ARHGAP42: variants seen among roughly 807,000 people sequenced by gnomAD.
ARHGAP42 encodes the protein rho GTPase-activating protein 42.
Under a neutral mutation model 125.0 loss-of-function variants are expected in ARHGAP42, and 63 were observed. That is an observed-to-expected ratio of 0.50 (90% confidence interval 0.41 to 0.62). ARHGAP42 has a LOEUF of 0.62. Among genes scored for constraint, ARHGAP42 ranks in the 20% least tolerant of loss-of-function variants. ARHGAP42 has a pLI of 0.00. For missense variants in ARHGAP42, 766 were observed against 1,024.2 expected, an observed-to-expected ratio of 0.75 and a Z score of 3.44; for synonymous variants, 339 against 351.0, an observed-to-expected ratio of 0.97 and a Z score of 0.38.
intron 4 of ARHGAP42, among the ~76,000 whole-genome samples, chr11:100,868,671 T>G (rs925191997): frequency 6.6e-6 from 1 of 152,190 alleles, no homozygotes; most frequent in African/African-American, 2.4e-5. Flanking sequence ...GATGAGCTCA[T>G]TTGGACAGTG....
chr11:100,750,659 G>A (rs1362500978), intron 1 of ARHGAP42, among the ~76,000 whole-genome samples: 1 of 152,004 alleles, frequency 6.6e-6, no homozygotes, highest in African/African-American at 2.4e-5. Context: ...TGGTTTGGCG[G>A]GAAAAATGGT....
At chr11:100,924,707 CTG>C (rs1294438763) in intron 6 of ARHGAP42, among the ~76,000 whole-genome samples, 2 of 151,944 alleles carry the variant, frequency 1.3e-5, no homozygotes, top group East Asian at 1.9e-4. Context: ...TAATCCTACA[CTG>C]TCATTATTCT....
intron 5 of ARHGAP42, among the ~76,000 whole-genome samples, chr11:100,921,177 A>T (rs1247705901): frequency 8.0e-6 from 1 of 124,986 alleles, no homozygotes; most frequent in African/African-American, 3.0e-5. Context: ...GTGATTTTTC[A>T]TTTACATTTA....
intron 1 of ARHGAP42, among the ~76,000 whole-genome samples, chr11:100,729,054 C>CCACT (rs139591012): frequency 0.037 from 5,668 of 151,490 alleles, 111 homozygotes; most frequent in African/African-American, 0.071. Flanking sequence ...CAGGTGTGAG[C>CCACT]CACTGCACGC....
chr11:100,763,039 G>A (rs567792396), intron 1 of ARHGAP42, among the ~76,000 whole-genome samples: 4 of 139,244 alleles, frequency 2.9e-5, no homozygotes, highest in African/African-American at 8.1e-5. Flanking sequence ...GAGTGCAATG[G>A]CATGATCTCG....
intron 16 of ARHGAP42, among the ~76,000 whole-genome samples, chr11:100,963,739 T>G (rs958817449): frequency 1.3e-5 from 2 of 152,212 alleles, no homozygotes; most frequent in Non-Finnish European, 2.9e-5. Flanking sequence ...TCTCATTCTA[T>G]GAACTAGGAA....
At chr11:100,913,924 C>T (rs1423396662) in intron 5 of ARHGAP42, among the ~76,000 whole-genome samples, 1 of 152,046 alleles carries the variant, frequency 6.6e-6, no homozygotes, top group African/African-American at 2.4e-5. Flanking sequence ...TACACAGCTA[C>T]ACATTTTATT....
chr11:100,937,420 A>AT lies in ARHGAP42; in HGVS notation c.832+1098dup, dbSNP rs570886592. Among the ~76,000 whole-genome samples the AT allele has an allele frequency of 9.6e-4, 144 of 149,232 alleles. 2 individuals are homozygous for AT. Among genetic ancestry groups the AT allele is most frequent in the South Asian group, 1.3e-3 (6 of 4,710 alleles). On this transcript the variant is annotated intron_variant, in intron 8 of 23. Coordinates refer to ENST00000298815, the MANE Select transcript of ARHGAP42 (RefSeq NM_152432.4). ...CACTTAGGACTCTAAGGAAATTTTT[A>AT]TTTTTTTTTTATTGTTATGTTTTTT...
At chr11:100,852,404 C>T (rs1182819541) in intron 3 of ARHGAP42, among the ~76,000 whole-genome samples, 2 of 151,984 alleles carry the variant, frequency 1.3e-5, no homozygotes, top group Admixed American at 6.6e-5. Context: ...CTTAAATTCA[C>T]GAATGAATAA....
chr11:100,753,402 G>A (rs1216677396), intron 1 of ARHGAP42, among the ~76,000 whole-genome samples: 3 of 152,188 alleles, frequency 2.0e-5, no homozygotes, highest in Non-Finnish European at 4.4e-5. Flanking sequence ...CTTGGAGACA[G>A]GAACTGGCTT....
intron 16 of ARHGAP42, among the ~76,000 whole-genome samples, chr11:100,963,559 TG>T (rs2135303133): frequency 6.6e-6 from 1 of 152,370 alleles, no homozygotes; most frequent in South Asian, 2.1e-4. Flanking sequence ...CTGATAAAAG[TG>T]TCAGATAAAG....
intron 1 of ARHGAP42, among the ~76,000 whole-genome samples, chr11:100,731,395 C>A (rs146169809): frequency 3.3e-5 from 5 of 152,154 alleles, no homozygotes; most frequent in Admixed American, 2.0e-4. Flanking sequence ...TTGATCCATC[C>A]GCCTCAGACT....
intron 9 of ARHGAP42, 65 bp from the exon 10 acceptor site, chr11:100,943,694 A>C (rs549548823): frequency 3.6e-6 from 4 of 1,124,554 alleles, no homozygotes; most frequent in African/African-American, 1.6e-5. Flanking sequence ...ACTTGAGCTC[A>C]CATATTTAAT....
At position 100,961,754 on chromosome 11, in the gene ARHGAP42, G is replaced by T; in HGVS notation, c.1371G>T (p.Leu457=). ...LWDNKTITSG[L]KNYLRCLAEP... ...ACAATAAGACGATAACAAGTGGGCT[G>T]AAAAACTACCTCAGGTGAGGAGGGT... The change falls in exon 15 of 24, where the codon CTG becomes CTT. Residue 457 remains leucine, a synonymous_variant. Transcript: ENST00000298815. 1 of 1,551,574 alleles carries T rather than the reference G, an allele frequency of 6.4e-7. No individual in the cohort carries two copies.
chr11:100,868,059 C>G (rs1265604648), intron 4 of ARHGAP42, among the ~76,000 whole-genome samples: 1 of 152,118 alleles, frequency 6.6e-6, no homozygotes, highest in Non-Finnish European at 1.5e-5. Flanking sequence ...TGTCAAAGAT[C>G]ACTGATTGCA....
At position 100,987,371 on chromosome 11, in the gene ARHGAP42, C is replaced by T. The variant is rs532155621; in HGVS notation, c.2457-142C>T. The T allele has an allele frequency of 8.0e-4, 514 of 644,340 alleles. 1 individual carries two copies. Among genetic ancestry groups the T allele is most frequent in the South Asian group, 3.3e-3 (169 of 50,706 alleles). 39.9% of individuals were successfully genotyped at this position (644,340 alleles called of 1,614,324 possible). A position where few individuals can be genotyped will look rare whatever the true frequency, so the allele number is the denominator to read the frequency against. On this transcript the variant is annotated intron_variant, in intron 22 of 23. Transcript: ENST00000298815. Reference sequence around the variant, plus strand: ...TGATTGTGTTCAGTGCAAAAAGCACCGATGTACACTCATATATGCACTTTA... The same window carrying T: ...TGATTGTGTTCAGTGCAAAAAGCACTGATGTACACTCATATATGCACTTTA...
intron 4 of ARHGAP42, among the ~76,000 whole-genome samples, chr11:100,904,403 C>T (rs761120508): frequency 3.7e-4 from 56 of 152,012 alleles, no homozygotes; most frequent in Non-Finnish European, 6.9e-4. Context: ...CATGCTACCA[C>T]GCCCAGCTAA....
At position 100,989,650 on chromosome 11, in the gene ARHGAP42, C is replaced by T. The variant is rs1320396520; in HGVS notation, c.*849C>T. Reference sequence around the variant, plus strand: ...ATATGCACATATTTTCTACCAGTAGCATTATAGTGGCATCATAGAAGAATA... The same window carrying T: ...ATATGCACATATTTTCTACCAGTAGTATTATAGTGGCATCATAGAAGAATA... On this transcript the variant is annotated 3_prime_UTR_variant, in exon 24 of 24. Transcript: ENST00000298815. 2 of 152,070 alleles carry T rather than the reference C, an allele frequency of 1.3e-5. No homozygotes were observed. Among genetic ancestry groups the T allele is most frequent in the African/African-American group, 4.8e-5 (2 of 41,386 alleles). The allele number at this position is 152,070 out of a possible 1,614,324, so 9.4% of individuals were successfully genotyped here.
At chr11:100,790,178 C>T (rs1446810963) in intron 2 of ARHGAP42, among the ~76,000 whole-genome samples, 5 of 152,130 alleles carry the variant, frequency 3.3e-5, no homozygotes, top group African/African-American at 9.7e-5. Context: ...AAAGATTAAT[C>T]TACAAAATAG....
Sources: allele counts gnomAD v4.1 joint callset (sites outside exome capture counted in the v4.1 genomes callset), GRCh38; gene constraint gnomAD v4.1.1; transcripts MANE v1.5; gene names NCBI Gene and HGNC (gene_info 2026-07-23, HGNC 2026-07-21).